FAT4: variants seen among roughly 807,000 people sequenced by gnomAD.
FAT4 encodes the protein protocadherin Fat 4.
FAT4 carries 84 observed loss-of-function variants against 303.9 expected under a neutral mutation model. The observed-to-expected ratio is 0.28, with a 90% confidence interval of 0.23 to 0.33. The LOEUF is 0.33. Among genes scored for constraint, FAT4 ranks in the 10% least tolerant of loss-of-function variants. The pLI is 1.00. For missense variants in FAT4, 6,005 were observed against 6,146.8 expected (o/e 0.98, Z 0.77); for synonymous variants, 2,307 against 2,298.8 (o/e 1.00, Z -0.10).
chr4:125,477,832 T>C (rs28463660), intron 14 of FAT4, among the ~76,000 whole-genome samples: 7,383 of 152,216 alleles, frequency 0.049, 203 homozygotes, highest in East Asian at 0.062. Context: ...ATTAGGTTTC[T>C]AGCAATAACT....
intron 2 of FAT4, among the ~76,000 whole-genome samples, chr4:125,330,579 C>T (rs932316328): frequency 6.6e-6 from 1 of 152,168 alleles, no homozygotes; most frequent in African/African-American, 2.4e-5. Flanking sequence ...CTTCTTCCCA[C>T]TGGAATTAAT....
intron 2 of FAT4, among the ~76,000 whole-genome samples, chr4:125,332,421 G>A (rs1731419588): frequency 6.6e-6 from 1 of 152,022 alleles, no homozygotes; most frequent in African/African-American, 2.4e-5. Flanking sequence ...AACCCCTTAA[G>A]TGAAGTTATT....
intron 2 of FAT4, among the ~76,000 whole-genome samples, chr4:125,374,663 G>C (rs1436861508): frequency 6.6e-6 from 1 of 152,088 alleles, no homozygotes; most frequent in African/African-American, 2.4e-5. Context: ...GTCCCTTATT[G>C]AATCATTTTG....
intron 7 of FAT4, among the ~76,000 whole-genome samples, chr4:125,421,974 A>G (rs979548396): frequency 1.3e-5 from 2 of 152,168 alleles, no homozygotes; most frequent in African/African-American, 4.8e-5. Context: ...AAATTTATAA[A>G]TATGCAATTT....
chr4:125,336,262 G>T (rs1279759249), intron 2 of FAT4, among the ~76,000 whole-genome samples: 4 of 151,950 alleles, frequency 2.6e-5, no homozygotes, highest in Non-Finnish European at 4.4e-5. Flanking sequence ...GAACAGAAGG[G>T]TTATTAGCTA....
At position 125,451,180 on chromosome 4, in the gene FAT4, G is replaced by A. The variant is rs1578659530; in HGVS notation, c.10170G>A (p.Glu3390=). Residue 3390 remains glutamate, a synonymous_variant, in exon 10 of 18, where the codon GAG becomes GAA. Coordinates refer to ENST00000394329, the MANE Select transcript of FAT4 (RefSeq NM_001291303.3). ...FGSIRGADID[E]VTVNVTVLDA... is the part of the protein sequence containing the mutation. ...GCATTAGAGGTGCAGATATAGATGAGGTCACTGTAAATGTCACCGTGCTTG... is the reference window on the plus strand; with the variant it reads ...GCATTAGAGGTGCAGATATAGATGAAGTCACTGTAAATGTCACCGTGCTTG... 1.2e-6 allele frequency: 2 copies of A among 1,614,072 alleles called. No homozygotes were observed.
Position 125,490,270 on chromosome 4 carries a change from G to A in FAT4, c.13454G>A (p.Ser4485Asn), listed in dbSNP as rs867612089. 1 of 1,614,126 alleles carries A rather than the reference G, an allele frequency of 6.2e-7. No individual in the cohort carries two copies. The highest frequency in any genetic ancestry group is 8.5e-7 in the Non-Finnish European group (1 of 1,180,042). The part of the protein sequence containing the change: ...CPQGKVCKAG[S>N]PAGHVCVLSQ... ...CAGGGGAAGGTGTGCAAAGCTGGAA[G>A]TCCTGCGGGGCATGTCTGTGTTCTG... is the stretch of plus-strand genomic sequence containing the variant. The change falls in exon 18 of 18, where the codon AGT (serine) becomes AAT (asparagine). Residue 4485 changes from serine to asparagine, a missense_variant. Ser to Asn is a conservative substitution (Grantham distance 46). Coordinates refer to ENST00000394329, the MANE Select transcript of FAT4 (RefSeq NM_001291303.3).
chr4:125,472,088 A>AT, intron 12 of FAT4, among the ~76,000 whole-genome samples: 1 of 142,466 alleles, frequency 7.0e-6, no homozygotes, highest in African/African-American at 2.6e-5. Flanking sequence ...AAAAAAAAAA[A>AT]AGGGTAGTTA....
intron 2 of FAT4, among the ~76,000 whole-genome samples, chr4:125,366,613 C>A (rs539564180): frequency 3.0e-4 from 45 of 152,226 alleles, no homozygotes; most frequent in African/African-American, 9.9e-4. Flanking sequence ...TGGGTATATA[C>A]CCAGTAATGG....
chr4:125,410,281 C>T (rs1446212276), intron 5 of FAT4, among the ~76,000 whole-genome samples: 2 of 152,186 alleles, frequency 1.3e-5, no homozygotes, highest in African/African-American at 2.4e-5. Flanking sequence ...AGTAACAATA[C>T]TTTAATGTTA....
chr4:125,428,504 CTCTG>C (rs1219350024), intron 7 of FAT4, among the ~76,000 whole-genome samples: 1 of 152,166 alleles, frequency 6.6e-6, no homozygotes, highest in Non-Finnish European at 1.5e-5. Flanking sequence ...CTCTCTCTCT[CTCTG>C]TCTCTCTTCC....
intron 8 of FAT4, among the ~76,000 whole-genome samples, chr4:125,436,118 C>A (rs2126045672): frequency 6.6e-6 from 1 of 150,906 alleles, no homozygotes; most frequent in East Asian, 2.0e-4. Context: ...TGCAGCACAC[C>A]AACATGGCAC....
chr4:125,326,769 G>A (rs1321880774), intron 2 of FAT4, among the ~76,000 whole-genome samples: 2 of 152,170 alleles, frequency 1.3e-5, no homozygotes, highest in Admixed American at 1.3e-4. Context: ...AGGCAAAGTG[G>A]CTCACACCTT....
At chr4:125,406,773 A>T in intron 3 of FAT4, 107 bp from the exon 4 acceptor site, 4 of 1,247,944 alleles carry the variant, frequency 3.2e-6, no homozygotes, top group Non-Finnish European at 4.5e-6. Context: ...TATCATATGA[A>T]CTTAAAGCCA....
intron 2 of FAT4, among the ~76,000 whole-genome samples, chr4:125,335,585 T>A (rs893352992): frequency 2.6e-5 from 4 of 152,108 alleles, no homozygotes; most frequent in Admixed American, 6.6e-5. Flanking sequence ...GAAATAAAAC[T>A]ATAATTTACA....
At chr4:125,476,338 T>C (rs1727029261) in intron 13 of FAT4, 82 bp downstream of exon 13, 2 of 615,834 alleles carry the variant, frequency 3.2e-6, no homozygotes, top group Non-Finnish European at 5.3e-6. Flanking sequence ...AATTATAGGA[T>C]GCTAAGTAGT....
At chr4:125,352,266 T>C (rs922396849) in intron 2 of FAT4, among the ~76,000 whole-genome samples, 1 of 151,620 alleles carries the variant, frequency 6.6e-6, no homozygotes, top group Non-Finnish European at 1.5e-5. Flanking sequence ...CCTGGTGCTG[T>C]GATTTTCAAA....
At chr4:125,484,035 TTCTCTC>T (rs141426835) in intron 16 of FAT4, among the ~76,000 whole-genome samples, 1 of 125,300 alleles carries the variant, frequency 8.0e-6, no homozygotes, top group South Asian at 3.1e-4. Flanking sequence ...CTATCATTCT[TTCTCTC>T]TCTCTCTACA....
At chr4:125,323,619 G>A (rs1415710062) in intron 2 of FAT4, among the ~76,000 whole-genome samples, 2 of 152,124 alleles carry the variant, frequency 1.3e-5, no homozygotes, top group Non-Finnish European at 2.9e-5. Context: ...AAAAGCAAAT[G>A]TGTTTCTCCA....
Sources: gnomAD v4.1 joint callset for allele counts (sites outside exome capture counted in the v4.1 genomes callset) on GRCh38, gnomAD v4.1.1 for gene constraint, MANE v1.5 for transcripts, NCBI Gene and HGNC (gene_info 2026-07-23, HGNC 2026-07-21) for gene names.